The following ZNF804B variants were observed in gnomAD, a reference collection of about 807,000 sequenced individuals.
The protein encoded by ZNF804B is zinc finger 804B.
In ZNF804B, 80 loss-of-function variants were observed where a neutral mutation model predicts 101.4. The observed-to-expected ratio is 0.79, with a 90% confidence interval of 0.66 to 0.95. The LOEUF is 0.95. ZNF804B is among the 40% of genes least tolerant of loss of function. ZNF804B has a pLI of 0.00. For synonymous variants in ZNF804B, 622 were observed against 558.8 expected (o/e 1.11, Z -1.59); for missense variants, 1,673 against 1,561.9 (o/e 1.07, Z -1.20).
intron 1 of ZNF804B, among the ~76,000 whole-genome samples, chr7:89,050,493 T>A (rs1363389726): frequency 1.3e-5 from 2 of 152,196 alleles, no homozygotes; most frequent in Admixed American, 1.3e-4. Context: ...CCTTGTATCA[T>A]AGTGCGTGAT....
At chr7:89,056,570 A>T (rs77382169) in intron 1 of ZNF804B, among the ~76,000 whole-genome samples, 2,518 of 152,206 alleles carry the variant, frequency 0.017, 33 homozygotes, top group Non-Finnish European at 0.026. Context: ...TTCTTGCAGT[A>T]TTTTTGATAT....
At chr7:89,083,165 C>T (rs575218624) in intron 1 of ZNF804B, among the ~76,000 whole-genome samples, 1 of 151,768 alleles carries the variant, frequency 6.6e-6, no homozygotes, top group East Asian at 1.9e-4. Context: ...TATGTTTTGA[C>T]TGCCACAAAA....
intron 1 of ZNF804B, among the ~76,000 whole-genome samples, chr7:89,151,531 A>G (rs1340327161): frequency 6.6e-6 from 1 of 152,140 alleles, no homozygotes; most frequent in African/African-American, 2.4e-5. Flanking sequence ...AAGAGAGACC[A>G]TGGATGTTGT....
intron 1 of ZNF804B, among the ~76,000 whole-genome samples, chr7:89,125,342 T>C (rs1400300319): frequency 6.6e-6 from 1 of 151,968 alleles, no homozygotes; most frequent in African/African-American, 2.4e-5. Flanking sequence ...ATATATATTA[T>C]ATATCTATGT....
chr7:89,007,298 A>G (rs1379591340), intron 1 of ZNF804B, among the ~76,000 whole-genome samples: 2 of 151,426 alleles, frequency 1.3e-5, no homozygotes, highest in African/African-American at 2.4e-5. Flanking sequence ...AAATGTTTAC[A>G]AAGTGTATCT....
chr7:89,336,834 G>C lies in ZNF804B; in HGVS notation c.3852G>C (p.Gln1284His). The stretch of plus-strand genomic sequence containing the variant: ...TCCACCCATCTCACATAACACTTCA[G>C]CCTCTGCCCCCTACAGCATTTATTC... ...TPFHPSHITL[Q>H]PLPPTAFIPT... The change falls in exon 4 of 4, where the codon CAG (glutamine) becomes CAC (histidine). Residue 1284 changes from glutamine to histidine, a missense_variant. Transcript: ENST00000333190. 1 of 1,613,912 alleles carries C rather than the reference G, an allele frequency of 6.2e-7. No individual in the cohort carries two copies. The highest frequency in any genetic ancestry group is 8.5e-7 in the Non-Finnish European group (1 of 1,179,978).
At chr7:88,884,956 T>C (rs1470040832) in intron 1 of ZNF804B, among the ~76,000 whole-genome samples, 1 of 151,882 alleles carries the variant, frequency 6.6e-6, no homozygotes, top group Non-Finnish European at 1.5e-5. Flanking sequence ...AGGCTACTAA[T>C]AATAATTTTC....
intron 1 of ZNF804B, among the ~76,000 whole-genome samples, chr7:89,117,815 A>T (rs1022378800): frequency 2.0e-5 from 3 of 152,232 alleles, no homozygotes; most frequent in Non-Finnish European, 4.4e-5. Flanking sequence ...ATATAAATGT[A>T]AAACCACACT....
chr7:89,232,743 C>A (rs573615445), intron 2 of ZNF804B, among the ~76,000 whole-genome samples: 6 of 151,988 alleles, frequency 3.9e-5, no homozygotes, highest in African/African-American at 1.2e-4. Flanking sequence ...TTTGGTGACG[C>A]CTGTCTTCTC....
intron 1 of ZNF804B, among the ~76,000 whole-genome samples, chr7:89,143,069 T>C (rs1032036775): frequency 6.6e-6 from 1 of 151,816 alleles, no homozygotes; most frequent in Middle Eastern, 3.2e-3. Context: ...TATGTGTGAG[T>C]GACAAGATGA....
chr7:89,034,695 G>C (rs570935154), intron 1 of ZNF804B, among the ~76,000 whole-genome samples: 1 of 152,240 alleles, frequency 6.6e-6, no homozygotes, highest in South Asian at 2.1e-4. Context: ...ATTGTGAATA[G>C]TGCTGCAATA....
chr7:89,070,241 T>C (rs1789515553), intron 1 of ZNF804B, among the ~76,000 whole-genome samples: 1 of 152,126 alleles, frequency 6.6e-6, no homozygotes, highest in Admixed American at 6.6e-5. Flanking sequence ...AATATCAAGA[T>C]TATTATGTTT....
At chr7:89,182,429 T>C (rs905236357) in intron 1 of ZNF804B, among the ~76,000 whole-genome samples, 3 of 152,198 alleles carry the variant, frequency 2.0e-5, no homozygotes, top group Non-Finnish European at 2.9e-5. Flanking sequence ...TTGTAGCTAC[T>C]GTCCTTGATA....
At chr7:88,876,074 A>G (rs1791934636) in intron 1 of ZNF804B, among the ~76,000 whole-genome samples, 1 of 152,142 alleles carries the variant, frequency 6.6e-6, no homozygotes, top group South Asian at 2.1e-4. Context: ...TATTTCTATC[A>G]TGCTTCTTGT....
intron 1 of ZNF804B, among the ~76,000 whole-genome samples, chr7:88,822,365 C>G (rs1011856221): frequency 2.6e-5 from 4 of 152,102 alleles, no homozygotes; most frequent in Non-Finnish European, 4.4e-5. Flanking sequence ...GAGTCATTTT[C>G]TCTACTTAAA....
intron 1 of ZNF804B, among the ~76,000 whole-genome samples, chr7:89,119,130 T>C (rs992763263): frequency 6.6e-6 from 1 of 152,216 alleles, no homozygotes; most frequent in African/African-American, 2.4e-5. Context: ...AGCACTGGGC[T>C]AGCCCCTTGA....
At chr7:88,856,002 C>T (rs1471275233) in intron 1 of ZNF804B, among the ~76,000 whole-genome samples, 2 of 152,154 alleles carry the variant, frequency 1.3e-5, no homozygotes, top group African/African-American at 2.4e-5. Context: ...GTTTTGGTTA[C>T]TGTAGCCTTG....
At chr7:88,828,144 A>AAT (rs1791074954) in intron 1 of ZNF804B, among the ~76,000 whole-genome samples, 1 of 152,082 alleles carries the variant, frequency 6.6e-6, no homozygotes, top group South Asian at 2.1e-4. Flanking sequence ...TTTGCACTCT[A>AAT]ATGCTTTCTG....
chr7:89,334,909 A>C lies in ZNF804B; in HGVS notation c.1927A>C (p.Ser643Arg). The change falls in exon 4 of 4, where the codon AGT (serine) becomes CGT (arginine). Residue 643 changes from serine (S) to arginine (R), a missense_variant. Physicochemically the swap from Ser to Arg is moderately radical, Grantham distance 110 (BLOSUM62 -1). Transcript: ENST00000333190. The stretch of plus-strand genomic sequence containing the variant: ...TAAAAAGCATAAATTGATTCCCTGC[A>C]GTCCTCATTTGGAATTTGAAGATGA... ...RFKKHKLIPC[S>R]PHLEFEDERQ... 6.2e-7 allele frequency: 1 copy of C among 1,613,882 alleles called. No homozygotes were observed. Among genetic ancestry groups the C allele is most frequent in the Non-Finnish European group, 8.5e-7 (1 of 1,179,894 alleles).
Sources: gnomAD v4.1 joint callset for allele counts (sites outside exome capture counted in the v4.1 genomes callset) on GRCh38, gnomAD v4.1.1 for gene constraint, MANE v1.5 for transcripts, NCBI Gene and HGNC (gene_info 2026-07-23, HGNC 2026-07-21) for gene names.